CACNA1B: variants seen among roughly 807,000 people sequenced by gnomAD.
CACNA1B encodes calcium voltage-gated channel subunit alpha1 B.
In CACNA1B, 70 loss-of-function variants were observed where a neutral mutation model predicts 247.2. The ratio of observed to expected loss-of-function variants is 0.28; its 90% confidence interval spans 0.23 to 0.35. CACNA1B has a LOEUF of 0.35. Ranked by LOEUF, CACNA1B falls within the 10% of genes least tolerant of loss-of-function variation. CACNA1B has a pLI of 1.00. For missense variants in CACNA1B, 2,367 were observed against 3,197.4 expected (o/e 0.74, Z 6.26); for synonymous variants, 1,231 against 1,294.4 (o/e 0.95, Z 1.05).
intron 3 of CACNA1B, among the ~76,000 whole-genome samples, chr9:137,897,253 GT>G (rs1957183133): frequency 1.3e-5 from 2 of 151,862 alleles, no homozygotes; most frequent in Non-Finnish European, 2.9e-5. Context: ...TGCAGTTTTT[GT>G]TTTTTTCTAA....
chr9:138,096,395 G>A (rs1347754136), intron 36 of CACNA1B, 89 bp from the exon 37 acceptor site: 5 of 1,110,128 alleles, frequency 4.5e-6, no homozygotes, highest in Non-Finnish European at 6.8e-6. Context: ...TATCCTGAGA[G>A]CTTCACACAC....
At chr9:137,981,844 GA>G (rs1266599397) in intron 12 of CACNA1B, among the ~76,000 whole-genome samples, 2 of 152,160 alleles carry the variant, frequency 1.3e-5, no homozygotes, top group Non-Finnish European at 2.9e-5. Context: ...CACACAACAG[GA>G]CCCCTTCCTC....
In CACNA1B at chr9:138,072,805, A is replaced by T. The variant is rs529242613; in HGVS notation, c.4675-683A>T. 3.9e-5 allele frequency among the ~76,000 whole-genome samples: 6 copies of T among 152,342 alleles called. No individual in the cohort carries two copies. The East Asian group carries it at 1.2e-3, about 29-fold the overall frequency. ...TTGTGCTTGATTTTGAGCCCCTTGG[A>T]TGAGGGAGCTCCACTAGACAGCCTG... On this transcript the variant is annotated intron_variant, in intron 32 of 46. Coordinates refer to ENST00000371372, the MANE Select transcript of CACNA1B (RefSeq NM_000718.4). This position sits in a 1 kb window ranked among gnomAD's most constrained non-coding sequence, Gnocchi z 4.5.
chr9:138,108,851 G>A (rs546903630), intron 39 of CACNA1B, among the ~76,000 whole-genome samples: 6 of 152,228 alleles, frequency 3.9e-5, no homozygotes, highest in Non-Finnish European at 8.8e-5. Context: ...GGGTTTCACC[G>A]TGTTAGCCAG....
rs753144291 is a variant in CACNA1B at position 138,058,060 on chromosome 9, A to G, written c.4118A>G (p.His1373Arg). The part of the protein sequence containing the change: ...TGEGWPMVLK[H>R]SVDATYEEQG... ...TCCTCTTTGCCCAGGGTGCTGAAACACTCCGTGGATGCCACCTATGAGGAG... is the reference window on the plus strand; with the variant it reads ...TCCTCTTTGCCCAGGGTGCTGAAACGCTCCGTGGATGCCACCTATGAGGAG... Residue 1373 changes from histidine to arginine, a missense_variant, in exon 28 of 47, where the codon CAC (histidine) becomes CGC (arginine). His to Arg is a conservative substitution (Grantham distance 29). Transcript: ENST00000371372. This position sits in a 1 kb window ranked among gnomAD's most constrained non-coding sequence, Gnocchi z 4.7. 2 of 1,613,346 alleles carry G rather than the reference A, an allele frequency of 1.2e-6. No individual in the cohort carries two copies. The highest frequency in any genetic ancestry group is 2.2e-5 in the East Asian group (1 of 44,868).
At chr9:137,989,295 A>G (rs1044371233) in intron 15 of CACNA1B, among the ~76,000 whole-genome samples, 2 of 152,200 alleles carry the variant, frequency 1.3e-5, no homozygotes, top group Non-Finnish European at 2.9e-5. Flanking sequence ...AGTGAACCGT[A>G]CGCCGGGTGT....
At chr9:138,119,417 G>A (rs1314820184) in intron 44 of CACNA1B, among the ~76,000 whole-genome samples, 5 of 152,080 alleles carry the variant, frequency 3.3e-5, no homozygotes, top group Admixed American at 6.5e-5. Context: ...GAGCTGCAGG[G>A]CCTCACCTGC....
In CACNA1B at chr9:138,117,998, AC is replaced by A; in HGVS notation, c.5833del (p.Gln1945ArgfsTer36). On this transcript the variant is annotated frameshift_variant, in exon 43 of 47. Transcript: ENST00000371372. LOFTEE classifies it high-confidence loss of function. Reference sequence around the variant, plus strand: ...GTCTGTCTCCTGGGGCACTCAAAGGACCCAGGATGCACCCCATGAGGCCAGG... The same window carrying A: ...GTCTGTCTCCTGGGGCACTCAAAGGACCAGGATGCACCCCATGAGGCCAGG... ...KESVSWGTQR[T>X]QDAPHEARPP... 6.3e-7 allele frequency: 1 copy of A among 1,598,172 alleles called. No individual in the cohort carries two copies. The highest frequency in any genetic ancestry group is 8.5e-7 in the Non-Finnish European group (1 of 1,171,814).
rs1744228502 is a variant in CACNA1B, at chr9:137,899,550, AG to A, written c.531-13629del. Among the ~76,000 whole-genome samples the A allele has an allele frequency of 6.6e-6, 1 of 151,988 alleles. No individual in the cohort carries two copies. The highest frequency in any genetic ancestry group is 2.4e-5 in the African/African-American group (1 of 41,362). Reference sequence around the variant, plus strand: ...TTCTTCTCCCCTGTCCTTGCTTTGGAGCAGGCTAGGTGGCTCCCACTTCTTG... The same window carrying A: ...TTCTTCTCCCCTGTCCTTGCTTTGGACAGGCTAGGTGGCTCCCACTTCTTG... On this transcript the variant is annotated intron_variant, in intron 3 of 46. Coordinates refer to ENST00000371372, the MANE Select transcript of CACNA1B (RefSeq NM_000718.4). The surrounding 1 kb of genome is among the most constrained non-coding windows in gnomAD (Gnocchi z 5.0).
At chr9:138,022,143 G>A (rs1157878457) in intron 18 of CACNA1B, among the ~76,000 whole-genome samples, 3 of 152,216 alleles carry the variant, frequency 2.0e-5, no homozygotes, top group Non-Finnish European at 4.4e-5. Flanking sequence ...TGCAGTGAGG[G>A]CCGAGCCTGG....
At chr9:138,086,726 C>T (rs963853889) in intron 36 of CACNA1B, among the ~76,000 whole-genome samples, 5 of 151,204 alleles carry the variant, frequency 3.3e-5, no homozygotes, top group African/African-American at 1.2e-4. Context: ...ATTTCCGTAC[C>T]CTATGCTCCG....
rs908179149 is a variant in CACNA1B, at chr9:137,952,478, G to C, written c.1070+101G>C. On this transcript the variant is annotated intron_variant, in intron 7 of 46. Transcript: ENST00000371372. The surrounding 1 kb of genome is among the most constrained non-coding windows in gnomAD (Gnocchi z 4.8). ...ACTTGGGGTGGGGGCCTGGCCCATG[G>C]GTGCCCTCTGTGGTGGTTGCCCCTG... 2.0e-5 allele frequency: 19 copies of C among 958,762 alleles called. No homozygotes were observed. The highest frequency in any genetic ancestry group is 2.5e-5 in the Non-Finnish European group (15 of 604,852). 59.4% of individuals were successfully genotyped at this position (958,762 alleles called of 1,614,324 possible). A position where few individuals can be genotyped will look rare whatever the true frequency, so the allele number is the denominator to read the frequency against.
intron 26 of CACNA1B, among the ~76,000 whole-genome samples, chr9:138,056,508 T>C (rs1274923459): frequency 6.6e-6 from 1 of 152,258 alleles, no homozygotes; most frequent in Non-Finnish European, 1.5e-5. Flanking sequence ...ACCTTGTGGC[T>C]GTTATAAATG....
At chr9:137,905,363 A>C (rs563850859) in intron 3 of CACNA1B, among the ~76,000 whole-genome samples, 2 of 152,262 alleles carry the variant, frequency 1.3e-5, no homozygotes, top group East Asian at 3.9e-4. Context: ...AAAAAAAAAA[A>C]AAAAACTTTT....
intron 3 of CACNA1B, among the ~76,000 whole-genome samples, chr9:137,883,736 T>C (rs1255185918): frequency 6.6e-6 from 1 of 152,202 alleles, no homozygotes; most frequent in Non-Finnish European, 1.5e-5. Flanking sequence ...TCAGAGGCCC[T>C]GTGCTGGGCC....
rs150230707 is a variant in CACNA1B at position 137,910,305 on chromosome 9, T to C, written c.531-2875T>C. 3.1e-4 allele frequency among the ~76,000 whole-genome samples: 47 copies of C among 152,270 alleles called. No individual in the cohort carries two copies. In the East Asian group the frequency reaches 8.7e-3, roughly 28 times the overall value. On this transcript the variant is annotated intron_variant, in intron 3 of 46. Transcript: ENST00000371372. ...GGATATTAATCCCTTATTAGAGATATGATTTGCAGATATTTTCTCCCTTTC... is the reference window on the plus strand; with the variant it reads ...GGATATTAATCCCTTATTAGAGATACGATTTGCAGATATTTTCTCCCTTTC...
At chr9:137,915,168 C>CAGT (rs916275579) in intron 5 of CACNA1B, among the ~76,000 whole-genome samples, 4 of 152,016 alleles carry the variant, frequency 2.6e-5, no homozygotes, top group Admixed American at 6.5e-5. Flanking sequence ...CTTCAGTTAC[C>CAGT]AGTAGTAGTA....
chr9:138,106,962 G>A (rs1445161795), intron 39 of CACNA1B, among the ~76,000 whole-genome samples: 3 of 152,104 alleles, frequency 2.0e-5, no homozygotes, highest in African/African-American at 7.2e-5. Flanking sequence ...CCAGCTCATG[G>A]GCTGTCCATG....
chr9:138,073,927 C>T lies in CACNA1B; in HGVS notation c.4792-74C>T. On this transcript the variant is annotated intron_variant, in intron 33 of 46. Coordinates refer to ENST00000371372, the MANE Select transcript of CACNA1B (RefSeq NM_000718.4). The surrounding 1 kb of genome is among the most constrained non-coding windows in gnomAD (Gnocchi z 6.4). ...CTGAGGTCTGTGTGACCTCAAAGGC[C>T]CAGCCACCGTAGCAGGAGGCCTGGG... is the stretch of plus-strand genomic sequence containing the variant. 1.6e-6 allele frequency: 2 copies of T among 1,254,010 alleles called. No individual in the cohort carries two copies. The highest frequency in any genetic ancestry group is 2.3e-6 in the Non-Finnish European group (2 of 863,124). 77.7% of individuals were successfully genotyped at this position (1,254,010 alleles called of 1,614,324 possible). A position where few individuals can be genotyped will look rare whatever the true frequency, so the allele number is the denominator to read the frequency against.
Sources: allele counts gnomAD v4.1 joint callset (sites outside exome capture counted in the v4.1 genomes callset), GRCh38; gene constraint gnomAD v4.1.1; non-coding constraint Gnocchi (gnomAD v3.1); transcripts MANE v1.5; gene names NCBI Gene and HGNC (gene_info 2026-07-23, HGNC 2026-07-21).